Variants in KIF26B observed in about 807,000 individuals in gnomAD.
KIF26B encodes kinesin family member 26B.
In KIF26B, 63 loss-of-function variants were observed where a neutral mutation model predicts 151.2. The observed-to-expected ratio is 0.42, with a 90% CI of 0.34 to 0.51. The LOEUF is 0.51. Ranked by LOEUF, KIF26B falls within the 20% of genes least tolerant of loss-of-function variation. KIF26B has a pLI of 0.07. For synonymous variants in KIF26B, 1,357 were observed against 1,262.1 expected, an observed-to-expected ratio of 1.08 and a Z score of -1.59; for missense variants, 2,813 against 2,913.6, an observed-to-expected ratio of 0.97 and a Z score of 0.79.
chr1:245,303,265 C>T (rs1671468811), intron 2 of KIF26B, among the ~76,000 whole-genome samples: 1 of 138,202 alleles, frequency 7.2e-6, no homozygotes, highest in African/African-American at 2.8e-5. Flanking sequence ...GTGGCGCGAT[C>T]TCGGCTCACT....
chr1:245,160,518 C>A (rs1056868797), intron 2 of KIF26B, among the ~76,000 whole-genome samples: 2 of 152,140 alleles, frequency 1.3e-5, no homozygotes, highest in Non-Finnish European at 2.9e-5. Context: ...TGTGACAGAA[C>A]TTTTGAATGG....
chr1:245,389,647 C>T lies in KIF26B; in HGVS notation c.999+22280C>T, dbSNP rs76767430. Among the ~76,000 whole-genome samples the T allele has an allele frequency of 1.5e-3, 234 of 152,254 alleles. 2 individuals carry two copies. The East Asian group carries it at 0.023, about 15-fold the overall frequency. On this transcript the variant is annotated intron_variant, in intron 3 of 14. Coordinates refer to ENST00000407071, the MANE Select transcript of KIF26B (RefSeq NM_018012.4). Reference sequence around the variant, plus strand: ...ATATTGTCCTCCCTTGAATATTTGACGCAGTAAATTATGTTTTGGAGGAAT... The same window carrying T: ...ATATTGTCCTCCCTTGAATATTTGATGCAGTAAATTATGTTTTGGAGGAAT...
intron 2 of KIF26B, among the ~76,000 whole-genome samples, chr1:245,175,298 G>T (rs901310818): frequency 6.6e-6 from 1 of 152,038 alleles, no homozygotes; most frequent in Admixed American, 6.6e-5. Flanking sequence ...GGAGGATAGG[G>T]TGACATACAC....
chr1:245,280,536 A>AAAAAAAAAG (rs1671024344), intron 2 of KIF26B, among the ~76,000 whole-genome samples: 1 of 147,140 alleles, frequency 6.8e-6, no homozygotes, highest in Admixed American at 6.9e-5. Context: ...GTCTCAAAAA[A>AAAAAAAAAG]AAAAAGAAAA....
chr1:245,298,366 A>C (rs1671373056), intron 2 of KIF26B, among the ~76,000 whole-genome samples: 1 of 152,238 alleles, frequency 6.6e-6, no homozygotes, highest in African/African-American at 2.4e-5. Context: ...TATAGCGGTA[A>C]CATGAACCTT....
intron 2 of KIF26B, among the ~76,000 whole-genome samples, chr1:245,179,512 T>C (rs1173354869): frequency 1.3e-5 from 2 of 152,106 alleles, no homozygotes; most frequent in African/African-American, 4.8e-5. Context: ...TAGTCCCAGC[T>C]ACTCGGGAGG....
intron 6 of KIF26B, among the ~76,000 whole-genome samples, chr1:245,605,480 A>C (rs1016834743): frequency 6.6e-6 from 1 of 152,198 alleles, no homozygotes; most frequent in African/African-American, 2.4e-5. Context: ...AGCTTCCTGA[A>C]GCTAAACAGT....
In KIF26B at chr1:245,594,507, G is replaced by A. The variant is rs149392856; in HGVS notation, c.1351-8070G>A. On this transcript the variant is annotated intron_variant, in intron 5 of 14. Coordinates refer to ENST00000407071, the MANE Select transcript of KIF26B (RefSeq NM_018012.4). Reference sequence around the variant, plus strand: ...GTGTGGTGTTATTTCTGAGGCCTCTGTTCTGTTACATTTGTCTATATCTCT... The same window carrying A: ...GTGTGGTGTTATTTCTGAGGCCTCTATTCTGTTACATTTGTCTATATCTCT... Among the ~76,000 whole-genome samples the A allele has an allele frequency of 1.3e-4, 20 of 152,238 alleles. No individual in the cohort carries two copies. In the East Asian group the frequency reaches 2.5e-3, roughly 19 times the overall value.
At chr1:245,238,768 A>C (rs1439573475) in intron 2 of KIF26B, among the ~76,000 whole-genome samples, 1 of 152,140 alleles carries the variant, frequency 6.6e-6, no homozygotes, top group Admixed American at 6.5e-5. Context: ...AGGCTGAGGC[A>C]GGAGAATTGC....
At chr1:245,176,011 T>C (rs1668802138) in intron 2 of KIF26B, among the ~76,000 whole-genome samples, 1 of 150,368 alleles carries the variant, frequency 6.7e-6, no homozygotes, top group South Asian at 2.1e-4. Context: ...GATATAGATA[T>C]AGATATTTTT....
At chr1:245,174,618 C>T (rs1364796692) in intron 2 of KIF26B, among the ~76,000 whole-genome samples, 3 of 152,174 alleles carry the variant, frequency 2.0e-5, no homozygotes, top group East Asian at 1.9e-4. Flanking sequence ...ACGATCCTCT[C>T]GCCACAGCCT....
At chr1:245,581,194 AT>A (rs1426667439) in intron 5 of KIF26B, among the ~76,000 whole-genome samples, 1 of 152,234 alleles carries the variant, frequency 6.6e-6, no homozygotes, top group African/African-American at 2.4e-5. Context: ...TTTGAGTAAC[AT>A]TTAAACAATT....
At position 245,563,211 on chromosome 1, in the gene KIF26B, C is replaced by T. The variant is rs771417476; in HGVS notation, c.1350+22261C>T. On this transcript the variant is annotated intron_variant, in intron 5 of 14. Coordinates refer to ENST00000407071, the MANE Select transcript of KIF26B (RefSeq NM_018012.4). This position sits in a 1 kb window ranked among gnomAD's most constrained non-coding sequence, Gnocchi z 4.6. ...CAGTCAGTGTCTCTTCCCAAAGACC[C>T]CCACTGAACCCATCAGATGTAAAAT... Among the ~76,000 whole-genome samples, 1 of 152,164 alleles carries T rather than the reference C, an allele frequency of 6.6e-6. No individual in the cohort carries two copies. Among genetic ancestry groups the T allele is most frequent in the Non-Finnish European group, 1.5e-5 (1 of 68,028 alleles).
intron 2 of KIF26B, among the ~76,000 whole-genome samples, chr1:245,265,087 A>G (rs926003955): frequency 5.3e-5 from 8 of 151,396 alleles, no homozygotes; most frequent in Non-Finnish European, 1.0e-4. Context: ...CTGTAGTCCC[A>G]GGTACTCGGG....
chr1:245,301,123 G>A (rs1034348571), intron 2 of KIF26B, among the ~76,000 whole-genome samples: 9 of 152,174 alleles, frequency 5.9e-5, no homozygotes, highest in Admixed American at 2.6e-4. Context: ...GAGCCACCAC[G>A]CTCGGCCGAG....
intron 3 of KIF26B, among the ~76,000 whole-genome samples, chr1:245,393,952 C>T (rs555343351): frequency 1.1e-4 from 17 of 152,176 alleles, no homozygotes; most frequent in African/African-American, 3.4e-4. Flanking sequence ...GTCAGGGATT[C>T]GAACTGCTTC....
intron 12 of KIF26B, among the ~76,000 whole-genome samples, chr1:245,689,161 T>G (rs555096734): frequency 4.6e-5 from 7 of 152,306 alleles, no homozygotes; most frequent in African/African-American, 1.4e-4. Flanking sequence ...CGGATGCAGG[T>G]GGCAGCATGA....
At chr1:245,437,846 C>G (rs902324596) in intron 4 of KIF26B, among the ~76,000 whole-genome samples, 1 of 152,124 alleles carries the variant, frequency 6.6e-6, no homozygotes, top group South Asian at 2.1e-4. Context: ...CCACCACAGC[C>G]GTGAAATCCA....
chr1:245,649,603 ACTC>A (rs1441225803), intron 10 of KIF26B, among the ~76,000 whole-genome samples: 1 of 151,908 alleles, frequency 6.6e-6, no homozygotes, highest in Non-Finnish European at 1.5e-5. Context: ...GTTTCCTCTT[ACTC>A]CTCCTGCTCA....
Sources: allele counts gnomAD v4.1 joint callset (sites outside exome capture counted in the v4.1 genomes callset), GRCh38; gene constraint gnomAD v4.1.1; non-coding constraint Gnocchi (gnomAD v3.1); transcripts MANE v1.5; gene names NCBI Gene and HGNC (gene_info 2026-07-23, HGNC 2026-07-21).